GLT8D2: variants seen among roughly 807,000 people sequenced by gnomAD.
GLT8D2 encodes glycosyltransferase 8 domain-containing protein 2.
A neutral mutation model predicts 44.5 loss-of-function variants in GLT8D2; 45 were observed. The observed-to-expected ratio is 1.01, with a 90% CI of 0.80 to 1.30. GLT8D2 has a LOEUF of 1.30. GLT8D2 is among the 50% of genes most tolerant of loss of function. The pLI, the probability that GLT8D2 is intolerant of heterozygous loss-of-function variation, is 0.00. For synonymous variants in GLT8D2, 156 were observed against 157.2 expected (o/e 0.99, Z 0.06); for missense variants, 400 against 430.4 (o/e 0.93, Z 0.62).
chr12:104,044,168 G>A (rs935528609), intron 1 of GLT8D2, among the ~76,000 whole-genome samples: 4 of 152,126 alleles, frequency 2.6e-5, no homozygotes, highest in African/African-American at 9.7e-5. Context: ...CCTTGGCCAC[G>A]TGCTATTCCT....
intron 10 of GLT8D2, among the ~76,000 whole-genome samples, chr12:103,991,823 T>TAAAAA (rs11340919): frequency 8.1e-6 from 1 of 123,196 alleles, no homozygotes; most frequent in African/African-American, 3.1e-5. Flanking sequence ...TTACGTCCTT[T>TAAAAA]AAAAAAAAAA....
At chr12:104,021,926 A>AGAG (rs1877779810) in intron 1 of GLT8D2, among the ~76,000 whole-genome samples, 1 of 25,932 alleles carries the variant, frequency 3.9e-5, no homozygotes, top group East Asian at 2.4e-3. Context: ...AAGAAGAAGA[A>AGAG]GAAGAAGAAG....
intron 1 of GLT8D2, among the ~76,000 whole-genome samples, chr12:104,034,335 G>T (rs925040919): frequency 1.3e-5 from 2 of 152,230 alleles, no homozygotes; most frequent in Non-Finnish European, 2.9e-5. Context: ...GCAGGGCAGG[G>T]CATTGCCTCA....
intron 4 of GLT8D2, chr12:104,014,248 G>T: frequency 1.4e-6 from 1 of 698,324 alleles, no homozygotes; most frequent in South Asian, 1.5e-5. Flanking sequence ...CCAACTTCCT[G>T]GGGTGCTGAG....
upstream of GLT8D2, among the ~76,000 whole-genome samples, chr12:104,052,997 C>A (rs925456001): frequency 6.6e-6 from 1 of 152,162 alleles, no homozygotes. Context: ...AGGGGCAGCA[C>A]AATATCCTAT....
At chr12:104,030,857 G>C (rs549412403) in intron 1 of GLT8D2, 2 of 1,576,378 alleles carry the variant, frequency 1.3e-6, no homozygotes, top group Non-Finnish European at 1.7e-6. Flanking sequence ...CGGCTGGTAC[G>C]ACGCCGACCT....
intron 1 of GLT8D2, among the ~76,000 whole-genome samples, chr12:104,061,282 T>C (rs1882623099): frequency 6.6e-6 from 1 of 152,240 alleles, no homozygotes; most frequent in Non-Finnish European, 1.5e-5. Context: ...TATTTTGCCT[T>C]AATTTTTCTC....
chr12:104,002,085 C>T (rs1874291260), intron 5 of GLT8D2, among the ~76,000 whole-genome samples: 1 of 152,154 alleles, frequency 6.6e-6, no homozygotes. Flanking sequence ...AAGGGATCCT[C>T]CCACCTCAGC....
At chr12:104,002,988 GAC>G in intron 5 of GLT8D2, 145 bp downstream of exon 5, 8 of 618,690 alleles carry the variant, frequency 1.3e-5, no homozygotes, top group South Asian at 1.2e-4. Flanking sequence ...GAGAGAGAGA[GAC>G]AGAAAGAGAG....
At chr12:104,001,599 CAT>C (rs1237693868) in intron 5 of GLT8D2, among the ~76,000 whole-genome samples, 1 of 152,150 alleles carries the variant, frequency 6.6e-6, no homozygotes, top group Non-Finnish European at 1.5e-5. Context: ...ACTGAAGTGA[CAT>C]ATATGTTTTC....
rs1038369601 is a variant in GLT8D2 at position 104,015,224 on chromosome 12, C to T, written c.20-119G>A. ...TGACACAGAGGAGTGGTATCTGAGA[C>T]CTTTCTATAAGCAGACAGCATATAG... is the stretch of plus-strand genomic sequence containing the variant. On this transcript the variant is annotated intron_variant, in intron 3 of 10. Coordinates refer to ENST00000360814, the MANE Select transcript of GLT8D2 (RefSeq NM_001384711.1). 3.2e-5 allele frequency: 22 copies of T among 688,868 alleles called. No individual in the cohort carries two copies. The Admixed American group carries it at 3.5e-4, about 11-fold the overall frequency. 42.7% of individuals were successfully genotyped at this position (688,868 alleles called of 1,614,324 possible).
chr12:104,008,024 A>C (rs1288905337), intron 4 of GLT8D2, among the ~76,000 whole-genome samples: 2 of 152,148 alleles, frequency 1.3e-5, no homozygotes, highest in Non-Finnish European at 2.9e-5. Flanking sequence ...TTTTCTTCCC[A>C]GTCTCAGGTA....
chr12:104,040,950 T>C (rs1880482398), intron 1 of GLT8D2, among the ~76,000 whole-genome samples: 1 of 152,114 alleles, frequency 6.6e-6, no homozygotes, highest in African/African-American at 2.4e-5. Context: ...GCTATTAGAA[T>C]GTAAATATGA....
At chr12:104,009,265 C>G (rs1420417729) in intron 4 of GLT8D2, among the ~76,000 whole-genome samples, 1 of 152,212 alleles carries the variant, frequency 6.6e-6, no homozygotes, top group Admixed American at 6.5e-5. Context: ...CCATGGGAAC[C>G]CACGTCTTGC....
At chr12:104,039,856 T>C (rs1215311651) in intron 1 of GLT8D2, among the ~76,000 whole-genome samples, 2 of 152,234 alleles carry the variant, frequency 1.3e-5, no homozygotes, top group Non-Finnish European at 2.9e-5. Flanking sequence ...CGTATGTTTA[T>C]TGCTGCACTA....
chr12:103,993,418 T>C lies in GLT8D2; in HGVS notation c.854A>G (p.Asn285Ser), dbSNP rs1873020151. ...CAGGTGCCTTATGTGCCACAGGGGGTTAATTGTGGAATATTTCCCATGAAA... is the reference window on the plus strand; with the variant it reads ...CAGGTGCCTTATGTGCCACAGGGGGCTAATTGTGGAATATTTCCCATGAAA... ...IVFHGKYSTI[N>S]PLWHIRHLGW... The change falls in exon 10 of 11, where the codon AAC (asparagine) becomes AGC (serine). Residue 285 changes from asparagine (N) to serine (S), a missense_variant. By Grantham distance (46) the Asn-to-Ser change is conservative. Coordinates refer to ENST00000360814, the MANE Select transcript of GLT8D2 (RefSeq NM_001384711.1). 1 of 1,613,796 alleles carries C rather than the reference T, an allele frequency of 6.2e-7. No homozygotes were observed. The highest frequency in any genetic ancestry group is 1.7e-5 in the Admixed American group (1 of 60,012).
chr12:104,055,267 G>A (rs1882085619), intron 1 of GLT8D2, among the ~76,000 whole-genome samples: 1 of 152,182 alleles, frequency 6.6e-6, no homozygotes. Context: ...GAAGTCAGAG[G>A]GCAAGAAGCT....
At chr12:104,012,549 T>C in intron 4 of GLT8D2, 1 of 375,140 alleles carries the variant, frequency 2.7e-6, no homozygotes, top group Non-Finnish European at 4.7e-6. Flanking sequence ...ATTAGCTGAG[T>C]GAATGTGTTG....
intron 4 of GLT8D2, chr12:104,014,459 C>T: frequency 3.5e-6 from 2 of 579,170 alleles, no homozygotes; most frequent in Non-Finnish European, 6.2e-6. Flanking sequence ...CCATCTCAGG[C>T]AATTCACCCC....
Sources: gnomAD v4.1 joint callset for allele counts (sites outside exome capture counted in the v4.1 genomes callset) on GRCh38, gnomAD v4.1.1 for gene constraint, MANE v1.5 for transcripts, NCBI Gene and HGNC (gene_info 2026-07-23, HGNC 2026-07-21) for gene names.